The following MIPOL1 variants were observed in gnomAD, a reference collection of about 807,000 sequenced individuals.
The protein encoded by MIPOL1 is mirror-image polydactyly gene 1 protein.
MIPOL1 carries 57 observed loss-of-function variants against 60.9 expected under a neutral mutation model. The observed-to-expected ratio is 0.94, with a 90% CI of 0.76 to 1.17. The LOEUF is 1.17. MIPOL1 is among the 50% of genes most tolerant of loss of function. The pLI is 0.00. For synonymous variants in MIPOL1, 179 were observed against 168.8 expected, an observed-to-expected ratio of 1.06 and a Z score of -0.47; for missense variants, 551 against 511.6, an observed-to-expected ratio of 1.08 and a Z score of -0.74.
rs557381043 is a variant in MIPOL1, at chr14:37,214,922, T to C, written c.-199+16818T>C. ...GAGTTTAGAGAAGACTACTCCACCA[T>C]CTCTTGTGGAGGGCCTGACATCAGT... is the stretch of plus-strand genomic sequence containing the variant. On this transcript the variant is annotated intron_variant, in intron 1 of 12. Coordinates refer to ENST00000684589, the MANE Select transcript of MIPOL1 (RefSeq NM_001388067.1). Among the ~76,000 whole-genome samples, 10 of 152,066 alleles carry C rather than the reference T, an allele frequency of 6.6e-5. No individual in the cohort carries two copies. The South Asian group carries it at 2.1e-3, about 32-fold the overall frequency.
At chr14:37,373,752 A>G (rs1236919317) in intron 10 of MIPOL1, among the ~76,000 whole-genome samples, 3 of 152,178 alleles carry the variant, frequency 2.0e-5, no homozygotes, top group African/African-American at 4.8e-5. Context: ...TCCATGGTGT[A>G]TATGTGCCAC....
At chr14:37,295,790 C>A (rs1375062839) in intron 7 of MIPOL1, among the ~76,000 whole-genome samples, 6 of 152,048 alleles carry the variant, frequency 3.9e-5, no homozygotes, top group Non-Finnish European at 5.9e-5. Flanking sequence ...ACAGGAGCAC[C>A]CAGATTCATA....
intron 12 of MIPOL1, chr14:37,506,325 C>T (rs913487729): frequency 6.6e-6 from 1 of 152,168 alleles, no homozygotes; most frequent in African/African-American, 2.4e-5. Context: ...AAGCTGGAGA[C>T]ATCATGCTAC....
intron 1 of MIPOL1, among the ~76,000 whole-genome samples, chr14:37,202,617 G>A (rs1431607635): frequency 6.6e-6 from 1 of 152,196 alleles, no homozygotes; most frequent in Non-Finnish European, 1.5e-5. Flanking sequence ...TCATAAGGGA[G>A]CAAATAGGGA....
intron 10 of MIPOL1, among the ~76,000 whole-genome samples, chr14:37,404,340 C>G (rs775138265): frequency 6.6e-6 from 1 of 152,124 alleles, no homozygotes; most frequent in Admixed American, 6.6e-5. Flanking sequence ...GGTATTTAGT[C>G]ATACCAAGAG....
Position 37,521,564 on chromosome 14 carries a change from C to T in MIPOL1, c.1262+21426C>T, listed in dbSNP as rs376112623. The stretch of plus-strand genomic sequence containing the variant: ...GCTTTACTTCTTCAATGGCTATTAG[C>T]GATGGAAATTAAACAAGTTACAACT... On this transcript the variant is annotated intron_variant, in intron 12 of 12. Coordinates refer to ENST00000684589, the MANE Select transcript of MIPOL1 (RefSeq NM_001388067.1). Among the ~76,000 whole-genome samples, 448 of 151,962 alleles carry T rather than the reference C, an allele frequency of 2.9e-3. 2 individuals are homozygous for T. Among genetic ancestry groups the T allele is most frequent in the African/African-American group, 0.01 (430 of 41,434 alleles).
intron 10 of MIPOL1, among the ~76,000 whole-genome samples, chr14:37,395,692 A>T (rs1488716760): frequency 1.3e-5 from 2 of 152,124 alleles, no homozygotes; most frequent in Non-Finnish European, 2.9e-5. Flanking sequence ...AAACAATCAT[A>T]TCGTCAGCAA....
intron 9 of MIPOL1, among the ~76,000 whole-genome samples, chr14:37,367,402 C>A (rs985584861): frequency 3.9e-5 from 6 of 151,976 alleles, no homozygotes; most frequent in African/African-American, 1.4e-4. Context: ...GCATTTATTT[C>A]TTGAGCATGA....
rs1422952103 is a variant in MIPOL1 at position 37,295,589 on chromosome 14, A to G, written c.623+10142A>G. 2.6e-5 allele frequency among the ~76,000 whole-genome samples: 4 copies of G among 152,334 alleles called. No homozygotes were observed. The South Asian group carries it at 8.3e-4, about 32-fold the overall frequency. On this transcript the variant is annotated intron_variant, in intron 7 of 12. Coordinates refer to ENST00000684589, the MANE Select transcript of MIPOL1 (RefSeq NM_001388067.1). ...ACATGCAGAGACACACATAGGCTCA[A>G]AATAAAGGGATGGAGGAAGATCTAC...
chr14:37,448,896 T>C (rs1338489620), intron 11 of MIPOL1, among the ~76,000 whole-genome samples: 2 of 152,226 alleles, frequency 1.3e-5, no homozygotes, highest in African/African-American at 4.8e-5. Context: ...AATGAACGTA[T>C]AATGTGTTCA....
intron 7 of MIPOL1, among the ~76,000 whole-genome samples, chr14:37,298,079 CATG>C (rs1456913954): frequency 6.6e-6 from 1 of 152,178 alleles, no homozygotes; most frequent in African/African-American, 2.4e-5. Context: ...ACCAAAACAG[CATG>C]GTGCTGGTAC....
chr14:37,232,129 C>T (rs1970729158), intron 1 of MIPOL1, among the ~76,000 whole-genome samples: 1 of 152,004 alleles, frequency 6.6e-6, no homozygotes, highest in Admixed American at 6.6e-5. Context: ...TATTGTTTGG[C>T]ATATAAATCA....
At chr14:37,463,446 A>G (rs1248381022) in intron 11 of MIPOL1, among the ~76,000 whole-genome samples, 2 of 152,204 alleles carry the variant, frequency 1.3e-5, no homozygotes, top group Non-Finnish European at 2.9e-5. Flanking sequence ...GAACCCAAAA[A>G]TAAAGCTGCA....
intron 12 of MIPOL1, chr14:37,545,586 G>GA: frequency 3.6e-6 from 2 of 561,274 alleles, no homozygotes; most frequent in African/African-American, 3.9e-5. Context: ...TTTACTCTAA[G>GA]ATCATTACTG....
chr14:37,526,529 C>T (rs1411099387), intron 12 of MIPOL1, among the ~76,000 whole-genome samples: 2 of 150,504 alleles, frequency 1.3e-5, no homozygotes, highest in African/African-American at 2.5e-5. Context: ...GCCACCACAC[C>T]TGGCTAATTT....
intron 9 of MIPOL1, among the ~76,000 whole-genome samples, chr14:37,321,999 G>A (rs996158710): frequency 6.6e-6 from 1 of 151,712 alleles, no homozygotes; most frequent in African/African-American, 2.4e-5. Context: ...ATACCACTTG[G>A]AATCTATTAT....
At chr14:37,311,443 G>A (rs918167813) in intron 9 of MIPOL1, among the ~76,000 whole-genome samples, 5 of 152,116 alleles carry the variant, frequency 3.3e-5, no homozygotes, top group African/African-American at 1.2e-4. Flanking sequence ...AAGTTGTTAT[G>A]TATAAATACC....
At chr14:37,525,969 T>A (rs556709951) in intron 12 of MIPOL1, among the ~76,000 whole-genome samples, 1 of 152,264 alleles carries the variant, frequency 6.6e-6, no homozygotes, top group South Asian at 2.1e-4. Context: ...TATTGAATAT[T>A]CCTCAATGAT....
At chr14:37,462,071 G>A (rs1482104197) in intron 11 of MIPOL1, among the ~76,000 whole-genome samples, 1 of 152,190 alleles carries the variant, frequency 6.6e-6, no homozygotes, top group Non-Finnish European at 1.5e-5. Flanking sequence ...CCCTAGCAGA[G>A]GTTCTCCATG....
Sources: gnomAD v4.1 joint callset for allele counts (sites outside exome capture counted in the v4.1 genomes callset) on GRCh38, gnomAD v4.1.1 for gene constraint, MANE v1.5 for transcripts, NCBI Gene and HGNC (gene_info 2026-07-23, HGNC 2026-07-21) for gene names.